The following NKAIN2 variants were observed in gnomAD, a reference collection of about 807,000 sequenced individuals.
NKAIN2 encodes sodium/potassium-transporting ATPase subunit beta-1-interacting protein 2.
Under a neutral mutation model 32.6 loss-of-function variants are expected in NKAIN2, and 14 were observed. That is an observed-to-expected ratio of 0.43 (90% CI 0.28 to 0.67). The LOEUF is 0.67. NKAIN2 is among the 30% of genes least tolerant of loss of function. The pLI is 0.17. For missense variants in NKAIN2, 198 were observed against 258.3 expected (o/e 0.77, Z 1.60); for synonymous variants, 80 against 87.2 (o/e 0.92, Z 0.46).
intron 2 of NKAIN2, among the ~76,000 whole-genome samples, chr6:124,348,289 G>C (rs562345492): frequency 1.2e-4 from 18 of 152,010 alleles, no homozygotes; most frequent in African/African-American, 4.3e-4. Flanking sequence ...GGGGTCAGGG[G>C]CCCACTTGAG....
intron 3 of NKAIN2, among the ~76,000 whole-genome samples, chr6:124,368,734 C>A (rs1387309552): frequency 6.6e-6 from 1 of 152,106 alleles, no homozygotes; most frequent in Non-Finnish European, 1.5e-5. Flanking sequence ...CATACCTTAC[C>A]CAATTACTGC....
chr6:124,705,987 G>A (rs1240660885), intron 4 of NKAIN2, among the ~76,000 whole-genome samples: 1 of 152,034 alleles, frequency 6.6e-6, no homozygotes, highest in Non-Finnish European at 1.5e-5. Flanking sequence ...TGTTTTTTGA[G>A]AGATTGATAA....
intron 2 of NKAIN2, among the ~76,000 whole-genome samples, chr6:124,323,604 G>C (rs958427139): frequency 1.3e-5 from 2 of 151,886 alleles, no homozygotes; most frequent in African/African-American, 2.4e-5. Flanking sequence ...AGGCATGTTC[G>C]TGTGGGGCAT....
chr6:123,880,920 T>G (rs529402758), intron 1 of NKAIN2, among the ~76,000 whole-genome samples: 1 of 152,328 alleles, frequency 6.6e-6, no homozygotes, highest in South Asian at 2.1e-4. Context: ...AGCTTTAGTG[T>G]GAATGAAAAG....
intron 5 of NKAIN2, among the ~76,000 whole-genome samples, chr6:124,807,648 A>T (rs1228119461): frequency 1.3e-5 from 2 of 149,438 alleles, no homozygotes; most frequent in African/African-American, 4.9e-5. Context: ...TCAGAGCAGA[A>T]CTGAAGGAAA....
intron 1 of NKAIN2, among the ~76,000 whole-genome samples, chr6:124,195,912 C>G (rs1790291504): frequency 6.6e-6 from 1 of 151,942 alleles, no homozygotes; most frequent in Non-Finnish European, 1.5e-5. Context: ...TTCAAATTTG[C>G]TCCTTCTAGT....
At chr6:124,605,707 C>G (rs115141007) in intron 3 of NKAIN2, among the ~76,000 whole-genome samples, 1,666 of 152,066 alleles carry the variant, frequency 0.011, 29 homozygotes, top group African/African-American at 0.038. Context: ...AATTTCCCAT[C>G]GTAGATGATC....
At chr6:124,561,664 C>T (rs925887659) in intron 3 of NKAIN2, among the ~76,000 whole-genome samples, 1 of 152,078 alleles carries the variant, frequency 6.6e-6, no homozygotes, top group Non-Finnish European at 1.5e-5. Context: ...GCAGATTCAC[C>T]TTCCAAGCTG....
chr6:124,577,852 C>T (rs1199396668), intron 3 of NKAIN2, among the ~76,000 whole-genome samples: 1 of 152,130 alleles, frequency 6.6e-6, no homozygotes, highest in Non-Finnish European at 1.5e-5. Flanking sequence ...CTTTATCTTG[C>T]AACTTAGATA....
intron 5 of NKAIN2, among the ~76,000 whole-genome samples, chr6:124,807,504 AT>A (rs1316259387): frequency 6.6e-6 from 1 of 151,162 alleles, no homozygotes; most frequent in African/African-American, 2.4e-5. Context: ...GTAGAGGGAA[AT>A]TTATAGCACT....
chr6:124,399,997 T>TA (rs1773558813), intron 3 of NKAIN2, among the ~76,000 whole-genome samples: 1 of 152,176 alleles, frequency 6.6e-6, no homozygotes, highest in African/African-American at 2.4e-5. Context: ...TCCTATTTGA[T>TA]AAAAATAAAT....
intron 3 of NKAIN2, among the ~76,000 whole-genome samples, chr6:124,376,465 C>T (rs1476344070): frequency 6.6e-6 from 1 of 152,100 alleles, no homozygotes; most frequent in Non-Finnish European, 1.5e-5. Context: ...TACATGAGTA[C>T]ATTAAAAAAT....
At chr6:123,825,381 G>A (rs1479430743) in intron 1 of NKAIN2, among the ~76,000 whole-genome samples, 1 of 152,114 alleles carries the variant, frequency 6.6e-6, no homozygotes, top group African/African-American at 2.4e-5. Flanking sequence ...TCTAGCTTAA[G>A]TTGTTGATAC....
At chr6:124,304,468 G>GA (rs913660551) in intron 2 of NKAIN2, among the ~76,000 whole-genome samples, 1 of 151,882 alleles carries the variant, frequency 6.6e-6, no homozygotes, top group African/African-American at 2.4e-5. Flanking sequence ...AATGAGTGCA[G>GA]AAAAAAACAC....
intron 3 of NKAIN2, among the ~76,000 whole-genome samples, chr6:124,497,063 G>C (rs1210125621): frequency 6.6e-6 from 1 of 152,104 alleles, no homozygotes; most frequent in East Asian, 1.9e-4. Flanking sequence ...GAGGGAGGGA[G>C]AAAGGTTCAC....
At chr6:124,277,070 T>A (rs975637006) in intron 1 of NKAIN2, among the ~76,000 whole-genome samples, 66 of 151,036 alleles carry the variant, frequency 4.4e-4, no homozygotes, top group African/African-American at 1.6e-3. Flanking sequence ...AGGGCAAGGG[T>A]TTCCTGCTGA....
chr6:123,815,591 A>G (rs558360687), intron 1 of NKAIN2, among the ~76,000 whole-genome samples: 2 of 152,312 alleles, frequency 1.3e-5, no homozygotes, highest in African/African-American at 4.8e-5. Flanking sequence ...CTTACCAGGA[A>G]AATGGGCTTC....
chr6:124,085,813 C>T (rs557999608), intron 1 of NKAIN2, among the ~76,000 whole-genome samples: 30 of 151,812 alleles, frequency 2.0e-4, no homozygotes, highest in East Asian at 3.9e-4. Flanking sequence ...GAGATTATGA[C>T]GGCTTGGTAA....
At chr6:123,934,754 G>A (rs1776421824) in intron 1 of NKAIN2, among the ~76,000 whole-genome samples, 1 of 151,648 alleles carries the variant, frequency 6.6e-6, no homozygotes, top group Admixed American at 6.6e-5. Flanking sequence ...TGTATTTTTG[G>A]CCAGTCACCG....
Sources: allele counts gnomAD v4.1 joint callset (sites outside exome capture counted in the v4.1 genomes callset), GRCh38; gene constraint gnomAD v4.1.1; transcripts MANE v1.5; gene names NCBI Gene and HGNC (gene_info 2026-07-23, HGNC 2026-07-21).